KCNH8: variants seen among roughly 807,000 people sequenced by gnomAD.
The protein encoded by KCNH8 is voltage-gated delayed rectifier potassium channel KCNH8.
In KCNH8, 70 loss-of-function variants were observed where a neutral mutation model predicts 103.6. The ratio of observed to expected loss-of-function variants is 0.68; its 90% CI spans 0.56 to 0.82. The LOEUF (loss-of-function observed/expected upper bound fraction) is 0.82. Ranked by LOEUF, KCNH8 falls within the 40% of genes least tolerant of loss-of-function variation. The pLI is 0.00. For synonymous variants in KCNH8, 498 were observed against 489.4 expected, an observed-to-expected ratio of 1.02 and a Z score of -0.23; for missense variants, 1,217 against 1,329.9, an observed-to-expected ratio of 0.92 and a Z score of 1.32.
chr3:19,360,560 C>T (rs988060550), intron 5 of KCNH8, among the ~76,000 whole-genome samples: 5 of 152,032 alleles, frequency 3.3e-5, no homozygotes, highest in Admixed American at 6.6e-5. Flanking sequence ...CACAATCAGT[C>T]CTTTAAACAA....
chr3:19,508,850 C>G (rs2068738333), intron 11 of KCNH8, among the ~76,000 whole-genome samples: 1 of 152,190 alleles, frequency 6.6e-6, no homozygotes, highest in Non-Finnish European at 1.5e-5. Flanking sequence ...TGACAGAACT[C>G]ATCTAGTGGT....
intron 1 of KCNH8, among the ~76,000 whole-genome samples, chr3:19,151,481 A>T (rs180679222): frequency 5.6e-4 from 85 of 152,202 alleles, no homozygotes; most frequent in African/African-American, 1.8e-3. Context: ...GCAAACAACA[A>T]CCCTGGCAAA....
At chr3:19,422,664 G>T (rs1418341914) in intron 7 of KCNH8, among the ~76,000 whole-genome samples, 1 of 152,042 alleles carries the variant, frequency 6.6e-6, no homozygotes, top group Non-Finnish European at 1.5e-5. Context: ...AATTTAGAAA[G>T]ACATTTTTTA....
chr3:19,506,509 G>C (rs1469375712), intron 11 of KCNH8, among the ~76,000 whole-genome samples: 1 of 152,126 alleles, frequency 6.6e-6, no homozygotes. Context: ...GCACTTGCTT[G>C]ACCATGTGGC....
At chr3:19,418,277 A>G (rs1470087298) in intron 7 of KCNH8, among the ~76,000 whole-genome samples, 1 of 152,224 alleles carries the variant, frequency 6.6e-6, no homozygotes, top group Non-Finnish European at 1.5e-5. Flanking sequence ...TGCAAGATAA[A>G]TAAACCTAAA....
intron 3 of KCNH8, among the ~76,000 whole-genome samples, chr3:19,317,517 A>G (rs540006642): frequency 6.6e-6 from 1 of 151,818 alleles, no homozygotes; most frequent in Non-Finnish European, 1.5e-5. Context: ...TGCTATTTAA[A>G]CCTACTGAAC....
chr3:19,494,564 C>CTA, intron 11 of KCNH8, among the ~76,000 whole-genome samples: 1 of 152,078 alleles, frequency 6.6e-6, no homozygotes, highest in South Asian at 2.1e-4. Context: ...ATATCTTTAT[C>CTA]AACAGCATGA....
intron 10 of KCNH8, among the ~76,000 whole-genome samples, chr3:19,452,183 A>G (rs1357229856): frequency 6.6e-6 from 1 of 152,106 alleles, no homozygotes; most frequent in Non-Finnish European, 1.5e-5. Flanking sequence ...CATGAGTTCA[A>G]GACCAGCCTG....
At chr3:19,529,391 G>A (rs564281185) in intron 15 of KCNH8, among the ~76,000 whole-genome samples, 3 of 152,174 alleles carry the variant, frequency 2.0e-5, no homozygotes, top group Non-Finnish European at 4.4e-5. Flanking sequence ...TGTGCACAAC[G>A]TGCAGGTTTG....
chr3:19,463,750 A>C (rs1412004977), intron 11 of KCNH8, among the ~76,000 whole-genome samples: 1 of 152,060 alleles, frequency 6.6e-6, no homozygotes, highest in African/African-American at 2.4e-5. Context: ...TGTATCCAAA[A>C]ATTTTACATA....
intron 5 of KCNH8, among the ~76,000 whole-genome samples, chr3:19,358,377 CAATG>C (rs1322231400): frequency 1.3e-5 from 2 of 151,294 alleles, no homozygotes; most frequent in Non-Finnish European, 3.0e-5. Flanking sequence ...AAAGGGTACA[CAATG>C]AAGATATTTT....
At chr3:19,469,450 T>C (rs2067809349) in intron 11 of KCNH8, among the ~76,000 whole-genome samples, 1 of 152,178 alleles carries the variant, frequency 6.6e-6, no homozygotes, top group East Asian at 1.9e-4. Flanking sequence ...TTTTTGTTTT[T>C]TGTTTTTGAG....
At chr3:19,304,129 G>T (rs963073033) in intron 3 of KCNH8, among the ~76,000 whole-genome samples, 1 of 152,182 alleles carries the variant, frequency 6.6e-6, no homozygotes, top group Non-Finnish European at 1.5e-5. Context: ...CAGCCAAGAA[G>T]TCTATACCCT....
chr3:19,417,772 A>C (rs2066885708), intron 7 of KCNH8, among the ~76,000 whole-genome samples: 1 of 152,284 alleles, frequency 6.6e-6, no homozygotes, highest in East Asian at 1.9e-4. Flanking sequence ...ATATGAAGAA[A>C]GACAAAACAG....
chr3:19,399,293 C>A (rs1417162280), intron 7 of KCNH8, among the ~76,000 whole-genome samples: 1 of 151,910 alleles, frequency 6.6e-6, no homozygotes, highest in Non-Finnish European at 1.5e-5. Flanking sequence ...TATTTGTTTA[C>A]AAGAGGACGT....
chr3:19,307,985 T>C (rs1174906493), intron 3 of KCNH8, among the ~76,000 whole-genome samples: 2 of 151,870 alleles, frequency 1.3e-5, no homozygotes, highest in Non-Finnish European at 2.9e-5. Context: ...TCTGTACCAC[T>C]GTAGGGTGAC....
intron 1 of KCNH8, among the ~76,000 whole-genome samples, chr3:19,240,115 C>G (rs1457693072): frequency 6.6e-6 from 1 of 152,146 alleles, no homozygotes; most frequent in East Asian, 1.9e-4. Flanking sequence ...TTCATGAGCT[C>G]TCTCTTTACT....
chr3:19,411,712 G>A (rs186788722), intron 7 of KCNH8, among the ~76,000 whole-genome samples: 8 of 151,718 alleles, frequency 5.3e-5, no homozygotes, highest in Non-Finnish European at 1.0e-4. Flanking sequence ...CTACACACCA[G>A]TAATATTCAA....
chr3:19,271,025 G>A (rs528078698), intron 2 of KCNH8, among the ~76,000 whole-genome samples: 3 of 152,160 alleles, frequency 2.0e-5, no homozygotes, highest in African/African-American at 7.2e-5. Context: ...ACATGTCCTA[G>A]CTTATGTTAT....
Sources: allele counts gnomAD v4.1 joint callset (sites outside exome capture counted in the v4.1 genomes callset), GRCh38; gene constraint gnomAD v4.1.1; transcripts MANE v1.5; gene names NCBI Gene and HGNC (gene_info 2026-07-23, HGNC 2026-07-21).